ANKRD28: variants seen among roughly 807,000 people sequenced by gnomAD.
ANKRD28 encodes the protein serine/threonine-protein phosphatase 6 regulatory ankyrin repeat subunit A.
Under a neutral mutation model 126.5 loss-of-function variants are expected in ANKRD28, and 44 were observed. The observed-to-expected ratio is 0.35, with a 90% CI of 0.27 to 0.45. The LOEUF (loss-of-function observed/expected upper bound fraction) is 0.45. Among genes scored for constraint, ANKRD28 ranks in the 20% least tolerant of loss-of-function variants. ANKRD28 has a pLI of 1.00. For missense variants in ANKRD28, 1,110 were observed against 1,316.6 expected, an observed-to-expected ratio of 0.84 and a Z score of 2.43; for synonymous variants, 442 against 468.5, an observed-to-expected ratio of 0.94 and a Z score of 0.73.
chr3:15,829,439 C>T (rs1367235787), intron 1 of ANKRD28, among the ~76,000 whole-genome samples: 1 of 152,070 alleles, frequency 6.6e-6, no homozygotes, highest in Non-Finnish European at 1.5e-5. Context: ...CAAGTGATAT[C>T]TCTTAGAAGT....
At chr3:15,748,725 T>C (rs2057651255) in intron 4 of ANKRD28, among the ~76,000 whole-genome samples, 1 of 152,218 alleles carries the variant, frequency 6.6e-6, no homozygotes, top group Non-Finnish European at 1.5e-5. Flanking sequence ...TTCTTGTATT[T>C]GGATGTCCAG....
intron 17 of ANKRD28, among the ~76,000 whole-genome samples, chr3:15,692,463 TAAATAAA>T (rs2125847632): frequency 6.6e-6 from 1 of 151,922 alleles, no homozygotes; most frequent in African/African-American, 2.4e-5. Flanking sequence ...ACAGCAAAAA[TAAATAAA>T]AAATAAAAAT....
chr3:15,773,207 A>G (rs2059101301), intron 2 of ANKRD28, among the ~76,000 whole-genome samples: 1 of 152,214 alleles, frequency 6.6e-6, no homozygotes, highest in Admixed American at 6.5e-5. Context: ...AAAACCAACT[A>G]TATTTCTTAC....
intron 21 of ANKRD28, 171 bp downstream of exon 21, chr3:15,685,055 C>T: frequency 1.6e-6 from 1 of 628,928 alleles, no homozygotes; most frequent in Middle Eastern, 4.4e-4. Flanking sequence ...TTTAGCATGA[C>T]AAAGGACAGG....
At chr3:15,694,866 T>G (rs1164812443) in intron 16 of ANKRD28, 53 bp from the exon 17 acceptor site, 2 of 1,530,164 alleles carry the variant, frequency 1.3e-6, no homozygotes, top group East Asian at 4.5e-5. Flanking sequence ...CAGCAATTAT[T>G]CTCTCCCACC....
intron 14 of ANKRD28, among the ~76,000 whole-genome samples, chr3:15,699,340 T>C (rs1235131358): frequency 6.6e-6 from 1 of 152,146 alleles, no homozygotes; most frequent in Non-Finnish European, 1.5e-5. Flanking sequence ...GGGCAAAGAC[T>C]TCATGACTAA....
At chr3:15,724,307 A>C in intron 7 of ANKRD28, 75 bp downstream of exon 7, 1 of 1,284,142 alleles carries the variant, frequency 7.8e-7, no homozygotes, top group Non-Finnish European at 1.1e-6. Flanking sequence ...CTTAAACCTG[A>C]AATAACTTGT....
chr3:15,815,074 T>C lies in ANKRD28; in HGVS notation c.28-19768A>G, dbSNP rs1223396241. ...AGAGTAAATATTTGGGTTGCTTCTA[T>C]TTTAAAATTCATATATAATAATTTT... On this transcript the variant is annotated intron_variant, in intron 1 of 27. Transcript: ENST00000399451. This position sits in a 1 kb window ranked among gnomAD's most constrained non-coding sequence, Gnocchi z 4.1. Among the ~76,000 whole-genome samples the C allele has an allele frequency of 6.6e-6, 1 of 151,582 alleles. No homozygotes were observed. The highest frequency in any genetic ancestry group is 1.5e-5 in the Non-Finnish European group (1 of 67,896).
At chr3:15,679,253 A>G (rs1039811647) in intron 23 of ANKRD28, 48 bp downstream of exon 23, 13 of 1,550,154 alleles carry the variant, frequency 8.4e-6, no homozygotes, top group Non-Finnish European at 1.2e-5. Flanking sequence ...TATAGGCATG[A>G]GCCACTGTGC....
intron 2 of ANKRD28, 72 bp from the exon 3 acceptor site, chr3:15,766,384 C>T (rs1188664759): frequency 3.5e-5 from 37 of 1,052,784 alleles, no homozygotes; most frequent in Middle Eastern, 4.7e-4. Flanking sequence ...TTAATAACCA[C>T]AACAACAACC....
At position 15,817,651 on chromosome 3, in the gene ANKRD28, T is replaced by C. The variant is rs2060859671; in HGVS notation, c.28-22345A>G. 6.6e-6 allele frequency among the ~76,000 whole-genome samples: 1 copy of C among 152,128 alleles called. No homozygotes were observed. The highest frequency in any genetic ancestry group is 1.5e-5 in the Non-Finnish European group (1 of 68,012). On this transcript the variant is annotated intron_variant, in intron 1 of 27. Transcript: ENST00000399451. The surrounding 1 kb of genome is among the most constrained non-coding windows in gnomAD (Gnocchi z 4.5). ...AGATTCCTTTGCTAAGTGATCGCTA[T>C]ACTGAGATTTATATATTTAAATAAA...
At chr3:15,716,467 T>C (rs1381591701) in intron 8 of ANKRD28, among the ~76,000 whole-genome samples, 1 of 151,884 alleles carries the variant, frequency 6.6e-6, no homozygotes, top group Non-Finnish European at 1.5e-5. Context: ...AATTTATTTT[T>C]TGTAGAGATG....
At chr3:15,755,232 G>A (rs1295205954) in intron 3 of ANKRD28, among the ~76,000 whole-genome samples, 2 of 152,162 alleles carry the variant, frequency 1.3e-5, no homozygotes, top group South Asian at 2.1e-4. Context: ...AACTATATGA[G>A]AAATCAGGGC....
chr3:15,831,275 CAT>C (rs1204622205), intron 1 of ANKRD28, among the ~76,000 whole-genome samples: 2 of 152,212 alleles, frequency 1.3e-5, no homozygotes, highest in African/African-American at 2.4e-5. Flanking sequence ...TCCCCACCTA[CAT>C]GTTTCTCTAC....
chr3:15,699,286 A>G (rs1422506591), intron 14 of ANKRD28, among the ~76,000 whole-genome samples: 1 of 152,112 alleles, frequency 6.6e-6, no homozygotes, highest in South Asian at 2.1e-4. Flanking sequence ...ACCATAAAAA[A>G]CCCTATTAGA....
chr3:15,702,454 G>C (rs531342239), intron 14 of ANKRD28, among the ~76,000 whole-genome samples: 43 of 152,166 alleles, frequency 2.8e-4, no homozygotes, highest in African/African-American at 1.0e-3. Context: ...TCCATAATCT[G>C]TCCTCTGAAA....
chr3:15,845,756 TAAG>T lies in ANKRD28; in HGVS notation c.27+13618_27+13620del, dbSNP rs970972606. On this transcript the variant is annotated intron_variant, in intron 1 of 27. Coordinates refer to the ANKRD28 transcript ENST00000399451. The surrounding 1 kb of genome is among the most constrained non-coding windows in gnomAD (Gnocchi z 4.9). Reference sequence around the variant, plus strand: ...TTGACTCACAGTTCCACAGGCTTAATAAGAAGTATGACTCAAGAAACTTAGAAT... The same window carrying T: ...TTGACTCACAGTTCCACAGGCTTAATAAGTATGACTCAAGAAACTTAGAAT... Among the ~76,000 whole-genome samples, 12 of 152,144 alleles carry T rather than the reference TAAG, an allele frequency of 7.9e-5. No individual in the cohort carries two copies. The highest frequency in any genetic ancestry group is 1.3e-4 in the Non-Finnish European group (9 of 68,010).
At chr3:15,746,364 T>C (rs2057477862) in intron 4 of ANKRD28, among the ~76,000 whole-genome samples, 1 of 152,234 alleles carries the variant, frequency 6.6e-6, no homozygotes, top group Non-Finnish European at 1.5e-5. Flanking sequence ...ACAGCTTCTA[T>C]TACCTTAAGA....
chr3:15,673,746 T>C (rs1388568621), intron 27 of ANKRD28, among the ~76,000 whole-genome samples: 1 of 151,868 alleles, frequency 6.6e-6, no homozygotes, highest in African/African-American at 2.4e-5. Flanking sequence ...TCAGGCAGAG[T>C]AAACAGCCAG....
Sources: gnomAD v4.1 joint callset for allele counts (sites outside exome capture counted in the v4.1 genomes callset) on GRCh38, gnomAD v4.1.1 for gene constraint, Gnocchi (gnomAD v3.1) non-coding constraint, MANE v1.5 for transcripts, NCBI Gene and HGNC (gene_info 2026-07-23, HGNC 2026-07-21) for gene names.